The following TTC39A variants were observed in gnomAD, a reference collection of about 807,000 sequenced individuals.
The protein encoded by TTC39A is tetratricopeptide repeat domain 39A.
In TTC39A, 46 loss-of-function variants were observed where a neutral mutation model predicts 82.3. The observed-to-expected ratio is 0.56, with a 90% CI of 0.44 to 0.71. The LOEUF (loss-of-function observed/expected upper bound fraction) is 0.71. TTC39A is among the 30% of genes least tolerant of loss of function. The probability of loss-of-function intolerance (pLI) is 0.00; values close to 1 mark genes in which losing one functional copy is unlikely to be tolerated. For missense variants in TTC39A, 543 were observed against 712.9 expected (o/e 0.76, Z 2.71); for synonymous variants, 254 against 275.2 (o/e 0.92, Z 0.76).
At chr1:51,328,200 T>C (rs767929105) in intron 1 of TTC39A, among the ~76,000 whole-genome samples, 9 of 152,134 alleles carry the variant, frequency 5.9e-5, no homozygotes, top group Non-Finnish European at 1.0e-4. Context: ...TTTATTTTAT[T>C]TTATTTAAGA....
At chr1:51,304,950 A>G in intron 8 of TTC39A, 131 bp downstream of exon 8, 1 of 914,414 alleles carries the variant, frequency 1.1e-6, no homozygotes, top group Non-Finnish European at 1.7e-6. Flanking sequence ...GGCATTGTCC[A>G]GGGCCATACA....
Position 51,301,599 on chromosome 1 carries a change from C to A in TTC39A, c.1026G>T (p.Leu342=), listed in dbSNP as rs779255629. ...TGGACCAGCAGTTCTCCTTGCTGAG[C>A]AGGTCGGCGTAGAAGTAGGACATCT... ...QWKMSYFYAD[L]LSKENCWSKA... The change falls in exon 12 of 18, where the codon CTG becomes CTT. Residue 342 remains leucine (L), a synonymous_variant. Transcript: ENST00000680483. 6.2e-7 allele frequency: 1 copy of A among 1,611,608 alleles called. No homozygotes were observed. The highest frequency in any genetic ancestry group is 2.2e-5 in the East Asian group (1 of 44,826).
chr1:51,318,082 G>A (rs923777218), intron 2 of TTC39A, among the ~76,000 whole-genome samples: 9 of 152,214 alleles, frequency 5.9e-5, no homozygotes, highest in African/African-American at 2.2e-4. Flanking sequence ...ACTCCCTTCT[G>A]TTGGCCCCAA....
chr1:51,313,485 G>C (rs1645163135), intron 2 of TTC39A, among the ~76,000 whole-genome samples: 1 of 152,114 alleles, frequency 6.6e-6, no homozygotes, highest in Non-Finnish European at 1.5e-5. Flanking sequence ...ACCTTCCCAT[G>C]GCTCCCACAT....
At chr1:51,320,500 T>A (rs1304335971) in intron 2 of TTC39A, among the ~76,000 whole-genome samples, 2 of 146,324 alleles carry the variant, frequency 1.4e-5, no homozygotes, top group African/African-American at 2.5e-5. Context: ...CACAGCTCAC[T>A]GCAGCTTCAA....
chr1:51,340,026 T>TC (rs528190082), intron 1 of TTC39A, among the ~76,000 whole-genome samples: 63 of 152,160 alleles, frequency 4.1e-4, no homozygotes, highest in African/African-American at 1.5e-3. Context: ...CCTCGCCCCT[T>TC]CCTCCATGTG....
chr1:51,337,265 A>G (rs1447730063), intron 1 of TTC39A, among the ~76,000 whole-genome samples: 1 of 151,710 alleles, frequency 6.6e-6, no homozygotes, highest in African/African-American at 2.4e-5. Flanking sequence ...CTCCTTGCTC[A>G]CCTCCAAATA....
chr1:51,330,342 C>T lies in TTC39A; in HGVS notation c.41+95G>A. 5 of 921,370 alleles carry T rather than the reference C, an allele frequency of 5.4e-6. No homozygotes were observed. The highest frequency in any genetic ancestry group is 6.5e-6 in the Non-Finnish European group (5 of 773,210). The allele number at this position is 921,370 out of a possible 1,614,324, so 57.1% of individuals were successfully genotyped here. The stretch of plus-strand genomic sequence containing the variant: ...TGGAAGCCGCAGTGCGGCCCCAGGC[C>T]GGTGCGCGGGGGGAGGCCTGGCGCG... On this transcript the variant is annotated intron_variant, in intron 1 of 17. Transcript: ENST00000680483. The surrounding 1 kb of genome is among the most constrained non-coding windows in gnomAD (Gnocchi z 4.5).
intron 14 of TTC39A, among the ~76,000 whole-genome samples, chr1:51,291,661 C>T (rs986191016): frequency 6.9e-6 from 1 of 144,294 alleles, no homozygotes; most frequent in African/African-American, 2.6e-5. Context: ...AAAAAATTAG[C>T]CAGGCATGGT....
At chr1:51,306,210 T>A in intron 6 of TTC39A, 134 bp from the exon 7 acceptor site, 2 of 679,644 alleles carry the variant, frequency 2.9e-6, no homozygotes, top group Admixed American at 5.3e-5. Context: ...TGAGAGCTGG[T>A]ATTTGAGGAA....
chr1:51,344,896 TGCCTCTCAGCTGTTTCCCCGAC>T (rs1437196292), intron 1 of TTC39A: 90 of 1,420,236 alleles, frequency 6.3e-5, no homozygotes, highest in Non-Finnish European at 2.8e-5. Flanking sequence ...TCCCCAGCTG[TGCCTCTCAGCTGTTTCCCCGAC>T]GTCGGCTGGG....
intron 1 of TTC39A, among the ~76,000 whole-genome samples, chr1:51,327,837 C>T (rs1221931546): frequency 6.6e-6 from 1 of 151,910 alleles, no homozygotes. Flanking sequence ...GCTGGGATTA[C>T]AGGTGTGCAC....
intron 4 of TTC39A, 100 bp downstream of exon 4, chr1:51,312,018 TG>T: frequency 7.8e-7 from 1 of 1,276,324 alleles, no homozygotes; most frequent in Non-Finnish European, 1.1e-6. Flanking sequence ...CACCAGGGCC[TG>T]GCCCCCTAGG....
chr1:51,305,577 T>G (rs1262740603), intron 7 of TTC39A: 1 of 313,832 alleles, frequency 3.2e-6, no homozygotes, highest in Non-Finnish European at 6.1e-6. Context: ...AAGACTTAGT[T>G]CTCTGTCCCC....
intron 1 of TTC39A, among the ~76,000 whole-genome samples, chr1:51,343,834 G>A (rs879519417): frequency 6.6e-6 from 1 of 152,190 alleles, no homozygotes; most frequent in Admixed American, 6.5e-5. Context: ...GGCCCAGGCT[G>A]CTCTCAAACT....
intron 1 of TTC39A, among the ~76,000 whole-genome samples, chr1:51,339,984 G>A (rs1359755072): frequency 6.6e-6 from 1 of 152,090 alleles, no homozygotes; most frequent in African/African-American, 2.4e-5. Flanking sequence ...GAGCGGGATT[G>A]GTGCCCTTAT....
intron 1 of TTC39A, among the ~76,000 whole-genome samples, chr1:51,329,387 G>T: frequency 6.6e-6 from 1 of 152,200 alleles, no homozygotes; most frequent in East Asian, 1.9e-4. Context: ...GGGACCAGAA[G>T]TCTAGGAAGG....
At chr1:51,335,946 G>A (rs1017584143), upstream of TTC39A, among the ~76,000 whole-genome samples, 64 of 152,080 alleles carry the variant, frequency 4.2e-4, no homozygotes, top group Non-Finnish European at 1.8e-4. Context: ...AGATTACTGA[G>A]CATTATTTGG....
chr1:51,330,848 T>G, upstream of TTC39A: 1 of 528,426 alleles, frequency 1.9e-6, no homozygotes, highest in South Asian at 2.2e-5. The surrounding 1 kb of genome is among the most constrained non-coding windows in gnomAD (Gnocchi z 4.5). Flanking sequence ...AGGTCCACTT[T>G]ACTGTCACTT....
Sources: allele counts gnomAD v4.1 joint callset (sites outside exome capture counted in the v4.1 genomes callset), GRCh38; gene constraint gnomAD v4.1.1; non-coding constraint Gnocchi (gnomAD v3.1); transcripts MANE v1.5; gene names NCBI Gene and HGNC (gene_info 2026-07-23, HGNC 2026-07-21).